The following SGCZ variants were observed in gnomAD, a reference collection of about 807,000 sequenced individuals.
SGCZ encodes the protein zeta-sarcoglycan.
A neutral mutation model predicts 41.3 loss-of-function variants in SGCZ; 40 were observed. The ratio of observed to expected loss-of-function variants is 0.97; its 90% CI spans 0.75 to 1.26. SGCZ has a LOEUF of 1.26. Among genes scored for constraint, SGCZ ranks in the 50% most tolerant of loss-of-function variants. The pLI is 0.00. For synonymous variants in SGCZ, 206 were observed against 137.5 expected, an observed-to-expected ratio of 1.50 and a Z score of -3.49; for missense variants, 552 against 369.8, an observed-to-expected ratio of 1.49 and a Z score of -4.04.
intron 1 of SGCZ, among the ~76,000 whole-genome samples, chr8:15,097,910 ACGTGTG>A (rs1213554467): frequency 6.5e-5 from 7 of 108,322 alleles, no homozygotes; most frequent in Non-Finnish European, 1.2e-4. Context: ...ATATATATAT[ACGTGTG>A]TATATATATA....
chr8:14,378,143 C>G (rs1318807388), intron 2 of SGCZ, among the ~76,000 whole-genome samples: 1 of 150,198 alleles, frequency 6.7e-6, no homozygotes, highest in Non-Finnish European at 1.5e-5. Context: ...TACAGTCCCA[C>G]CAACAGTGTA....
At chr8:14,528,960 T>A (rs1392618601) in intron 2 of SGCZ, among the ~76,000 whole-genome samples, 1 of 151,928 alleles carries the variant, frequency 6.6e-6, no homozygotes, top group Non-Finnish European at 1.5e-5. Context: ...TACAGATGAA[T>A]CAGCTGAGAC....
chr8:14,557,525 C>A (rs1401727464), intron 1 of SGCZ, among the ~76,000 whole-genome samples: 1 of 151,922 alleles, frequency 6.6e-6, no homozygotes, highest in Non-Finnish European at 1.5e-5. Flanking sequence ...AGGATTTTTC[C>A]AATGTTATCT....
chr8:14,449,782 C>G (rs1023905127), intron 2 of SGCZ, among the ~76,000 whole-genome samples: 1 of 152,078 alleles, frequency 6.6e-6, no homozygotes, highest in African/African-American at 2.4e-5. Context: ...CTGAGAACAC[C>G]TCTACTCTTT....
chr8:14,595,959 G>C (rs572431000), intron 1 of SGCZ, among the ~76,000 whole-genome samples: 1 of 152,300 alleles, frequency 6.6e-6, no homozygotes, highest in Non-Finnish European at 1.5e-5. Context: ...TAAAATGGAT[G>C]GAAAATGCAT....
At chr8:14,675,039 C>T (rs1159197119) in intron 1 of SGCZ, among the ~76,000 whole-genome samples, 16 of 143,548 alleles carry the variant, frequency 1.1e-4, no homozygotes, top group African/African-American at 2.0e-4. Flanking sequence ...CCCGGGTTCA[C>T]GCCATTCTCC....
chr8:14,348,984 A>G (rs945844992), intron 2 of SGCZ, among the ~76,000 whole-genome samples: 1 of 152,148 alleles, frequency 6.6e-6, no homozygotes, highest in Non-Finnish European at 1.5e-5. Context: ...ACGTAAATAT[A>G]TAAAACTTAG....
chr8:14,103,138 C>T (rs1802086459), intron 6 of SGCZ, among the ~76,000 whole-genome samples: 1 of 151,864 alleles, frequency 6.6e-6, no homozygotes, highest in African/African-American at 2.4e-5. Flanking sequence ...AAAGAAAAAT[C>T]AATAGGAGGG....
At chr8:14,742,804 G>T (rs961886461) in intron 1 of SGCZ, among the ~76,000 whole-genome samples, 18 of 152,040 alleles carry the variant, frequency 1.2e-4, no homozygotes, top group Non-Finnish European at 2.6e-4. Context: ...TTTCAGCTAT[G>T]AATGTATGTT....
At chr8:14,480,620 G>C (rs1233821029) in intron 2 of SGCZ, among the ~76,000 whole-genome samples, 2 of 152,046 alleles carry the variant, frequency 1.3e-5, no homozygotes, top group Non-Finnish European at 2.9e-5. Flanking sequence ...CAGTAACAGA[G>C]CTCGGGGCTT....
At chr8:15,111,940 T>A (rs2116930655) in intron 1 of SGCZ, among the ~76,000 whole-genome samples, 1 of 152,228 alleles carries the variant, frequency 6.6e-6, no homozygotes, top group South Asian at 2.1e-4. Context: ...GTTTCATTTC[T>A]TTATTTCATT....
At chr8:14,147,073 A>G (rs1445061176) in intron 5 of SGCZ, among the ~76,000 whole-genome samples, 1 of 152,012 alleles carries the variant, frequency 6.6e-6, no homozygotes, top group Admixed American at 6.5e-5. Context: ...ATAAAATAGT[A>G]TTTGCAAGCC....
At chr8:14,361,011 T>C (rs555302903) in intron 2 of SGCZ, among the ~76,000 whole-genome samples, 1 of 152,284 alleles carries the variant, frequency 6.6e-6, no homozygotes, top group South Asian at 2.1e-4. Flanking sequence ...ATCTCATAGT[T>C]TTCATATGTA....
Position 14,108,664 on chromosome 8 carries a change from C to A in SGCZ, c.548-429G>T, listed in dbSNP as rs11992052. ...ACAACACGTGGGCATTATAGGAGTACAATTCTAGATGAGATTTGAGAGAGG... is the reference window on the plus strand; with the variant it reads ...ACAACACGTGGGCATTATAGGAGTAAAATTCTAGATGAGATTTGAGAGAGG... On this transcript the variant is annotated intron_variant, in intron 5 of 7. Transcript: ENST00000382080. Among the ~76,000 whole-genome samples, 707 of 152,040 alleles carry A rather than the reference C, an allele frequency of 4.7e-3. 5 individuals carry two copies. The highest frequency in any genetic ancestry group is 0.016 in the African/African-American group (650 of 41,472).
At chr8:14,982,567 CCT>C (rs1329989021) in intron 1 of SGCZ, among the ~76,000 whole-genome samples, 1 of 152,170 alleles carries the variant, frequency 6.6e-6, no homozygotes, top group Non-Finnish European at 1.5e-5. Context: ...TCTTCTACCT[CCT>C]CTCTCCTCAT....
At chr8:14,237,056 T>C (rs1431627850) in intron 4 of SGCZ, among the ~76,000 whole-genome samples, 1 of 152,122 alleles carries the variant, frequency 6.6e-6, no homozygotes, top group Non-Finnish European at 1.5e-5. Context: ...ATACAATTTA[T>C]TAGAAAATAT....
intron 1 of SGCZ, among the ~76,000 whole-genome samples, chr8:15,024,721 G>C (rs1404016419): frequency 6.6e-6 from 1 of 152,070 alleles, no homozygotes; most frequent in East Asian, 1.9e-4. Context: ...CAGATCATGA[G>C]GTCAGGAGAT....
At chr8:14,827,555 T>C (rs1490591454) in intron 1 of SGCZ, among the ~76,000 whole-genome samples, 1 of 152,128 alleles carries the variant, frequency 6.6e-6, no homozygotes, top group East Asian at 1.9e-4. Context: ...CAAATGGTCA[T>C]GCACAGAGTC....
chr8:14,880,682 T>C (rs1365478862), intron 1 of SGCZ, among the ~76,000 whole-genome samples: 2 of 152,016 alleles, frequency 1.3e-5, no homozygotes, highest in African/African-American at 4.8e-5. Flanking sequence ...AAACCATCAT[T>C]CTCAGCAAAC....
Sources: allele counts gnomAD v4.1 joint callset (sites outside exome capture counted in the v4.1 genomes callset), GRCh38; gene constraint gnomAD v4.1.1; transcripts MANE v1.5; gene names NCBI Gene and HGNC (gene_info 2026-07-23, HGNC 2026-07-21).